CSMD1: variants seen among roughly 807,000 people sequenced by gnomAD.
The protein encoded by CSMD1 is CUB and sushi domain-containing protein 1.
A neutral mutation model predicts 417.5 loss-of-function variants in CSMD1; 213 were observed. That is an observed-to-expected ratio of 0.51 (90% confidence interval 0.46 to 0.57). The LOEUF (loss-of-function observed/expected upper bound fraction) is 0.57. Ranked by LOEUF, CSMD1 falls within the 20% of genes least tolerant of loss-of-function variation. The pLI is 0.00. For missense variants in CSMD1, 6,923 were observed against 4,529.7 expected, an observed-to-expected ratio of 1.53 and a Z score of -15.17; for synonymous variants, 2,862 against 1,736.8, an observed-to-expected ratio of 1.65 and a Z score of -16.11.
At chr8:4,329,621 C>A (rs187116224) in intron 3 of CSMD1, among the ~76,000 whole-genome samples, 1 of 152,048 alleles carries the variant, frequency 6.6e-6, no homozygotes, top group Non-Finnish European at 1.5e-5. Flanking sequence ...TTACTACTTA[C>A]ATGTATGCCC....
At chr8:3,293,216 C>CT (rs1234950513) in intron 25 of CSMD1, among the ~76,000 whole-genome samples, 1 of 152,166 alleles carries the variant, frequency 6.6e-6, no homozygotes, top group African/African-American at 2.4e-5. Context: ...GATGGGCTTC[C>CT]TTTTGTGGGT....
intron 1 of CSMD1, among the ~76,000 whole-genome samples, chr8:4,879,678 G>C (rs985298218): frequency 1.3e-5 from 2 of 151,950 alleles, no homozygotes; most frequent in Non-Finnish European, 2.9e-5. Context: ...TAGAAAGCAG[G>C]AGAATCGGGA....
chr8:3,918,247 G>GTTC (rs1022106736), intron 5 of CSMD1, among the ~76,000 whole-genome samples: 7 of 151,800 alleles, frequency 4.6e-5, no homozygotes, highest in Admixed American at 2.6e-4. Flanking sequence ...GGTAGGTTTT[G>GTTC]TTGTTGTTGT....
At chr8:4,378,985 A>C (rs1802927498) in intron 3 of CSMD1, among the ~76,000 whole-genome samples, 1 of 152,194 alleles carries the variant, frequency 6.6e-6, no homozygotes, top group Non-Finnish European at 1.5e-5. Context: ...TTGTAATCAC[A>C]GCTCAGATGG....
At chr8:3,164,631 C>T (rs1321119832) in intron 37 of CSMD1, among the ~76,000 whole-genome samples, 1 of 152,050 alleles carries the variant, frequency 6.6e-6, no homozygotes, top group Non-Finnish European at 1.5e-5. Context: ...ACTTAAAATA[C>T]TAGGTAAATT....
intron 1 of CSMD1, among the ~76,000 whole-genome samples, chr8:4,934,009 A>AAAAAAG (rs1807434288): frequency 6.6e-6 from 1 of 150,466 alleles, no homozygotes; most frequent in Non-Finnish European, 1.5e-5. Flanking sequence ...TTTTTTTTTA[A>AAAAAAG]AAAAAAATGA....
At chr8:3,274,014 G>C (rs993724095) in intron 26 of CSMD1, among the ~76,000 whole-genome samples, 1 of 151,356 alleles carries the variant, frequency 6.6e-6, no homozygotes, top group African/African-American at 2.4e-5. Context: ...TTTTAATTGT[G>C]ATGTTAGGGT....
At chr8:4,192,936 G>C (rs1251054580) in intron 3 of CSMD1, among the ~76,000 whole-genome samples, 2 of 152,150 alleles carry the variant, frequency 1.3e-5, no homozygotes, top group Non-Finnish European at 2.9e-5. Context: ...AGTATTTTCT[G>C]TACGTGGTGC....
intron 54 of CSMD1, among the ~76,000 whole-genome samples, chr8:2,996,704 A>G (rs750053448): frequency 2.0e-5 from 3 of 152,246 alleles, no homozygotes; most frequent in Non-Finnish European, 2.9e-5. Context: ...CTAGAATGAG[A>G]ACACAGCAGT....
chr8:4,078,429 C>G (rs575520184), intron 3 of CSMD1, among the ~76,000 whole-genome samples: 5 of 151,002 alleles, frequency 3.3e-5, no homozygotes, highest in Non-Finnish European at 5.9e-5. Context: ...ATTCTCCTGC[C>G]TCAGCCTCTT....
At chr8:4,145,340 C>G (rs1804046632) in intron 3 of CSMD1, among the ~76,000 whole-genome samples, 1 of 150,902 alleles carries the variant, frequency 6.6e-6, no homozygotes, top group African/African-American at 2.5e-5. Flanking sequence ...AAAAATGATC[C>G]AATATGTCAG....
At chr8:4,086,131 C>T (rs372765903) in intron 3 of CSMD1, among the ~76,000 whole-genome samples, 3 of 152,082 alleles carry the variant, frequency 2.0e-5, no homozygotes, top group African/African-American at 4.8e-5. Context: ...GATGTTATTG[C>T]TACATTTAAG....
intron 2 of CSMD1, among the ~76,000 whole-genome samples, chr8:4,427,540 C>G (rs955663871): frequency 2.0e-5 from 3 of 151,914 alleles, no homozygotes; most frequent in Non-Finnish European, 4.4e-5. Flanking sequence ...CACAGTGAAT[C>G]ATGTGAGTAT....
chr8:4,388,023 A>G (rs1012162564), intron 3 of CSMD1, among the ~76,000 whole-genome samples: 2 of 152,164 alleles, frequency 1.3e-5, no homozygotes, highest in African/African-American at 2.4e-5. Flanking sequence ...TACACCAAGC[A>G]TCTATTTTAC....
intron 54 of CSMD1, among the ~76,000 whole-genome samples, chr8:2,984,496 C>A (rs1317191920): frequency 6.6e-6 from 1 of 152,204 alleles, no homozygotes; most frequent in East Asian, 1.9e-4. Context: ...TTACAGGCAT[C>A]CGCCACCATG....
intron 34 of CSMD1, among the ~76,000 whole-genome samples, chr8:3,189,468 G>A (rs968416007): frequency 3.9e-5 from 6 of 152,200 alleles, no homozygotes; most frequent in Admixed American, 2.0e-4. Context: ...TTGCGCTGGA[G>A]CTTTCCACAC....
chr8:4,490,234 G>GT (rs1324427875), intron 2 of CSMD1, among the ~76,000 whole-genome samples: 1 of 151,896 alleles, frequency 6.6e-6, no homozygotes, highest in African/African-American at 2.4e-5. Context: ...TAGAGACAGG[G>GT]TTTCACCATC....
intron 3 of CSMD1, among the ~76,000 whole-genome samples, chr8:4,277,117 T>C (rs1316947225): frequency 6.6e-6 from 1 of 152,150 alleles, no homozygotes; most frequent in African/African-American, 2.4e-5. Flanking sequence ...TTAAAAATAG[T>C]TCCTTCATAA....
chr8:4,730,384 T>C (rs185456612), intron 1 of CSMD1, among the ~76,000 whole-genome samples: 3 of 152,124 alleles, frequency 2.0e-5, no homozygotes, highest in African/African-American at 7.2e-5. Flanking sequence ...ACTAAATTTG[T>C]AAATATGGGA....
Sources: gnomAD v4.1 joint callset for allele counts (sites outside exome capture counted in the v4.1 genomes callset) on GRCh38, gnomAD v4.1.1 for gene constraint, MANE v1.5 for transcripts, NCBI Gene and HGNC (gene_info 2026-07-23, HGNC 2026-07-21) for gene names.